The following SIPA1L1 variants were observed in gnomAD, a reference collection of about 807,000 sequenced individuals.
SIPA1L1 encodes signal-induced proliferation-associated 1-like protein 1.
SIPA1L1 carries 26 observed loss-of-function variants against 162.7 expected under a neutral mutation model. That is an observed-to-expected ratio of 0.16 (90% CI 0.12 to 0.22). The LOEUF (loss-of-function observed/expected upper bound fraction) is 0.22. SIPA1L1 is among the 10% of genes least tolerant of loss of function. The probability of loss-of-function intolerance (pLI) is 1.00; values close to 1 mark genes in which losing one functional copy is unlikely to be tolerated. For synonymous variants in SIPA1L1, 829 were observed against 837.4 expected, an observed-to-expected ratio of 0.99 and a Z score of 0.17; for missense variants, 1,874 against 2,241.0, an observed-to-expected ratio of 0.84 and a Z score of 3.31.
chr14:71,597,604 C>G (rs1359199401), intron 5 of SIPA1L1, among the ~76,000 whole-genome samples: 2 of 152,112 alleles, frequency 1.3e-5, no homozygotes, highest in African/African-American at 2.4e-5. Flanking sequence ...AGTAAAGGAG[C>G]AATGATCAGG....
chr14:71,483,063 C>T (rs1370056784), intron 2 of SIPA1L1, among the ~76,000 whole-genome samples: 3 of 152,176 alleles, frequency 2.0e-5, no homozygotes, highest in African/African-American at 7.2e-5. Flanking sequence ...GTTTTACTCT[C>T]TTTTTGATAA....
chr14:71,516,845 C>T (rs537516357), intron 3 of SIPA1L1, among the ~76,000 whole-genome samples: 12 of 152,040 alleles, frequency 7.9e-5, no homozygotes, highest in Admixed American at 4.6e-4. Flanking sequence ...TGGTGGCGGG[C>T]GCCTGTAATC....
At position 71,407,999 on chromosome 14, in the gene SIPA1L1, C is replaced by G. The variant is rs181460587; in HGVS notation, c.-465+86818C>G. Among the ~76,000 whole-genome samples, 30 of 152,200 alleles carry G rather than the reference C, an allele frequency of 2.0e-4. 1 individual carries two copies. In the East Asian group the frequency reaches 5.6e-3, roughly 28 times the overall value. On this transcript the variant is annotated intron_variant, in intron 2 of 23. Coordinates refer to ENST00000381232, the MANE Select transcript of SIPA1L1 (RefSeq NM_001386936.1). Reference sequence around the variant, plus strand: ...TAAATATAGTCTTAGAAAAGATGAACTAAGGTTACAAAATCATCAGTGCTG... The same window carrying G: ...TAAATATAGTCTTAGAAAAGATGAAGTAAGGTTACAAAATCATCAGTGCTG...
At chr14:71,392,453 T>C (rs538371852) in intron 2 of SIPA1L1, among the ~76,000 whole-genome samples, 1 of 152,372 alleles carries the variant, frequency 6.6e-6, no homozygotes, top group South Asian at 2.1e-4. Flanking sequence ...CAGGACCAGC[T>C]TAAAAGTTAA....
chr14:71,374,403 T>C (rs2039180406), intron 2 of SIPA1L1, among the ~76,000 whole-genome samples: 1 of 151,996 alleles, frequency 6.6e-6, no homozygotes, highest in Non-Finnish European at 1.5e-5. Context: ...CAGTTAAAAG[T>C]ATTTTCTTGA....
intron 6 of SIPA1L1, among the ~76,000 whole-genome samples, chr14:71,619,253 T>G (rs557901208): frequency 6.6e-6 from 1 of 152,270 alleles, no homozygotes; most frequent in East Asian, 1.9e-4. Flanking sequence ...ATATTAGATA[T>G]AAGAGAAGGC....
chr14:71,533,110 A>AT (rs1433294364), intron 4 of SIPA1L1, among the ~76,000 whole-genome samples: 1 of 152,202 alleles, frequency 6.6e-6, no homozygotes, highest in Non-Finnish European at 1.5e-5. Flanking sequence ...TCGTAGACTT[A>AT]TTGAGACCTG....
At chr14:71,661,215 G>T (rs924656247) in intron 9 of SIPA1L1, 95 bp from the exon 10 acceptor site, 123 of 1,304,476 alleles carry the variant, frequency 9.4e-5, no homozygotes, top group Non-Finnish European at 1.2e-4. Flanking sequence ...TACTGATTAG[G>T]AATGGATGTT....
chr14:71,427,110 T>C (rs2043624839), intron 2 of SIPA1L1, among the ~76,000 whole-genome samples: 1 of 152,226 alleles, frequency 6.6e-6, no homozygotes, highest in Admixed American at 6.5e-5. Context: ...TGCATTTTCT[T>C]TTATTGAAGT....
chr14:71,639,380 A>AGAGT (rs2041476442), intron 7 of SIPA1L1, among the ~76,000 whole-genome samples: 1 of 152,322 alleles, frequency 6.6e-6, no homozygotes, highest in Middle Eastern at 3.4e-3. Context: ...GCTACACTCT[A>AGAGT]GCCTGGGTGA....
At chr14:71,617,154 CT>C (rs939221745) in intron 5 of SIPA1L1, among the ~76,000 whole-genome samples, 2 of 152,132 alleles carry the variant, frequency 1.3e-5, no homozygotes, top group African/African-American at 4.8e-5. Context: ...TCTTGTCTGC[CT>C]TTTTGTACTA....
chr14:71,401,015 G>A (rs1032511985), intron 2 of SIPA1L1: 4 of 152,216 alleles, frequency 2.6e-5, no homozygotes, highest in Non-Finnish European at 1.5e-5. Flanking sequence ...CAACGAAGGA[G>A]CAGTGCTTCC....
rs1213499307 is a variant in SIPA1L1 at position 71,588,855 on chromosome 14, C to T, written c.983C>T (p.Pro328Leu). 1 of 1,614,068 alleles carries T rather than the reference C, an allele frequency of 6.2e-7. No individual in the cohort carries two copies. The highest frequency in any genetic ancestry group is 8.5e-7 in the Non-Finnish European group (1 of 1,179,980). Residue 328 changes from proline to leucine, a missense_variant, in exon 5 of 24, where the codon CCA becomes CTA. This residue lies in a region of SIPA1L1 where 685 missense variants were observed against 828.0 expected (regional missense o/e 0.83). Transcript: ENST00000381232. This position sits in a 1 kb window ranked among gnomAD's most constrained non-coding sequence, Gnocchi z 4.3. ...SEDSVRPWTC[P>L]KCFAHYDVQS... Reference sequence around the variant, plus strand: ...GACTCTGTCAGGCCCTGGACATGTCCAAAGTGCTTTGCCCACTATGATGTC... The same window carrying T: ...GACTCTGTCAGGCCCTGGACATGTCTAAAGTGCTTTGCCCACTATGATGTC...
chr14:71,678,478 C>T (rs1387027362), intron 12 of SIPA1L1, among the ~76,000 whole-genome samples: 1 of 152,070 alleles, frequency 6.6e-6, no homozygotes, highest in Non-Finnish European at 1.5e-5. Context: ...GCCTTGCATC[C>T]CAGGGATGAA....
At chr14:71,349,106 G>A (rs1489892593) in intron 2 of SIPA1L1, among the ~76,000 whole-genome samples, 9 of 152,214 alleles carry the variant, frequency 5.9e-5, no homozygotes, top group Admixed American at 5.9e-4. Context: ...TGACGTGGGA[G>A]CTTTCAGAAA....
intron 2 of SIPA1L1, among the ~76,000 whole-genome samples, chr14:71,472,071 T>A (rs1375159731): frequency 6.6e-6 from 1 of 152,144 alleles, no homozygotes; most frequent in Non-Finnish European, 1.5e-5. Flanking sequence ...TGCTGAGAGA[T>A]GAGAGCACTC....
rs375754670 is a variant in SIPA1L1, at chr14:71,531,863, T to C, written c.-303+2493T>C. 4.6e-5 allele frequency among the ~76,000 whole-genome samples: 7 copies of C among 152,170 alleles called. No homozygotes were observed. The East Asian group carries it at 5.8e-4, about 13-fold the overall frequency. On this transcript the variant is annotated intron_variant, in intron 4 of 23. Coordinates refer to ENST00000381232, the MANE Select transcript of SIPA1L1 (RefSeq NM_001386936.1). ...ATTCAAAAAACTAATTCCCTTACTA[T>C]TGGGGGAGTCCTGTTACCCTTTGCT...
intron 2 of SIPA1L1, among the ~76,000 whole-genome samples, chr14:71,367,540 C>G (rs1378941034): frequency 6.6e-6 from 1 of 150,998 alleles, no homozygotes; most frequent in Non-Finnish European, 1.5e-5. Context: ...GATCTCCTGA[C>G]CTCGTGATCT....
At chr14:71,634,777 A>C (rs1034309231) in intron 7 of SIPA1L1, among the ~76,000 whole-genome samples, 3 of 151,792 alleles carry the variant, frequency 2.0e-5, no homozygotes, top group African/African-American at 7.3e-5. Context: ...TCTACTAAAA[A>C]TACAAAAAAT....
Sources: gnomAD v4.1 joint callset for allele counts (sites outside exome capture counted in the v4.1 genomes callset) on GRCh38, gnomAD v4.1.1 for gene constraint, gnomAD v4.1.1 regional missense constraint, Gnocchi (gnomAD v3.1) non-coding constraint, MANE v1.5 for transcripts, NCBI Gene and HGNC (gene_info 2026-07-23, HGNC 2026-07-21) for gene names.